Variants in CD80 observed in about 807,000 individuals in gnomAD.
CD80 encodes CD80 molecule.
A neutral mutation model predicts 27.1 loss-of-function variants in CD80; 13 were observed. The ratio of observed to expected loss-of-function variants is 0.48; its 90% CI spans 0.31 to 0.76. The LOEUF (loss-of-function observed/expected upper bound fraction) is 0.76. Among genes scored for constraint, CD80 ranks in the 30% least tolerant of loss-of-function variants. The pLI is 0.04. For synonymous variants in CD80, 125 were observed against 125.5 expected, an observed-to-expected ratio of 1.00 and a Z score of 0.03; for missense variants, 277 against 347.9, an observed-to-expected ratio of 0.80 and a Z score of 1.62.
chr3:119,535,607 C>T (rs2082133904), intron 4 of CD80, among the ~76,000 whole-genome samples: 1 of 152,104 alleles, frequency 6.6e-6, no homozygotes, highest in Non-Finnish European at 1.5e-5. Flanking sequence ...AATGATTTCA[C>T]CTCTTGGGGA....
chr3:119,540,803 C>T (rs749027800), intron 3 of CD80, among the ~76,000 whole-genome samples: 1 of 152,102 alleles, frequency 6.6e-6, no homozygotes, highest in African/African-American at 2.4e-5. Flanking sequence ...AATCCTAGCA[C>T]TTTGGGAGGT....
At chr3:119,530,454 C>T (rs2082103518) in intron 4 of CD80, among the ~76,000 whole-genome samples, 1 of 152,162 alleles carries the variant, frequency 6.6e-6, no homozygotes, top group Non-Finnish European at 1.5e-5. Flanking sequence ...AGGTTTTTCA[C>T]CCTCTAGCTA....
chr3:119,533,383 G>T (rs762205808), intron 4 of CD80, among the ~76,000 whole-genome samples: 1 of 148,790 alleles, frequency 6.7e-6, no homozygotes, highest in Non-Finnish European at 1.5e-5. Context: ...AATCATATGC[G>T]CAATCCGCTT....
chr3:119,556,280 A>G (rs114445383), intron 2 of CD80, among the ~76,000 whole-genome samples: 2 of 151,966 alleles, frequency 1.3e-5, no homozygotes, highest in Non-Finnish European at 2.9e-5. Flanking sequence ...TTCCTTGTAC[A>G]ATTTCTAAAG....
intron 4 of CD80, among the ~76,000 whole-genome samples, chr3:119,536,451 C>A (rs1236563952): frequency 1.3e-5 from 2 of 151,898 alleles, no homozygotes; most frequent in Non-Finnish European, 2.9e-5. Context: ...AGTAAGCCAC[C>A]CACCTTACCC....
chr3:119,531,422 C>T (rs116242422), intron 4 of CD80, among the ~76,000 whole-genome samples: 7,737 of 152,304 alleles, frequency 0.051, 254 homozygotes, highest in Non-Finnish European at 0.071. Context: ...GCACCCTGGC[C>T]ATAACCATAG....
chr3:119,551,298 G>T (rs1159665214), intron 2 of CD80, among the ~76,000 whole-genome samples: 1 of 152,180 alleles, frequency 6.6e-6, no homozygotes, highest in Non-Finnish European at 1.5e-5. Context: ...CTATTGCTAT[G>T]ATTTGAATGT....
At chr3:119,548,201 C>G (rs13076029) in intron 2 of CD80, among the ~76,000 whole-genome samples, 15,060 of 152,156 alleles carry the variant, frequency 0.099, 979 homozygotes, top group Non-Finnish European at 0.14. Context: ...AGGCTGGTCT[C>G]AAACTCCTGA....
chr3:119,555,391 A>G (rs1467296167), intron 2 of CD80, among the ~76,000 whole-genome samples: 3 of 152,244 alleles, frequency 2.0e-5, no homozygotes, highest in Non-Finnish European at 4.4e-5. Flanking sequence ...TCTCTAAAAA[A>G]TTCCCTGTGC....
At chr3:119,527,902 T>C in intron 5 of CD80, 61 bp from the exon 6 acceptor site, 8 of 1,425,652 alleles carry the variant, frequency 5.6e-6, no homozygotes, top group Non-Finnish European at 7.9e-6. Context: ...TGTGCCCATA[T>C]GTTAATATTT....
rs1320277833 is a variant in CD80, at chr3:119,544,738, A to G, written c.230T>C (p.Met77Thr). 10 of 1,614,116 alleles carry G rather than the reference A, an allele frequency of 6.2e-6. No homozygotes were observed. The Admixed American group carries it at 8.3e-5, about 13-fold the overall frequency. Reference sequence around the variant, plus strand: ...GGGCCATATATTCATGTCCCCAGACATCATAGTCAGCACCATTTTCTTCTC... The same window carrying G: ...GGGCCATATATTCATGTCCCCAGACGTCATAGTCAGCACCATTTTCTTCTC... The part of the protein sequence containing the change: ...QKEKKMVLTM[M>T]SGDMNIWPEY... The change falls in exon 3 of 7, where the codon ATG (methionine) becomes ACG (threonine). Residue 77 changes from methionine (M) to threonine (T), a missense_variant. Transcript: ENST00000264246.
intron 2 of CD80, among the ~76,000 whole-genome samples, chr3:119,554,836 G>A (rs1427510517): frequency 6.6e-6 from 1 of 152,136 alleles, no homozygotes; most frequent in Admixed American, 6.5e-5. Context: ...ACTTCCTTCT[G>A]ATCCAATTCT....
At chr3:119,550,101 T>C (rs74555346) in intron 2 of CD80, among the ~76,000 whole-genome samples, 1,564 of 152,008 alleles carry the variant, frequency 0.01, 24 homozygotes, top group African/African-American at 0.036. Flanking sequence ...TCTGTAAGAG[T>C]TTCCATTTTT....
rs770735310 is a variant in CD80 at position 119,529,903 on chromosome 3, T to C, written c.735A>G (p.Pro245=). ...CTGAGATTAAGGTAATGGCCCAGGATGGGAGCAGGTTATCAGGAAAATGCT... is the reference window on the plus strand; with the variant it reads ...CTGAGATTAAGGTAATGGCCCAGGACGGGAGCAGGTTATCAGGAAAATGCT... ...KQEHFPDNLL[P]SWAITLISVN... Residue 245 remains proline (P), a synonymous_variant, in exon 5 of 7, where the codon CCA becomes CCG. Transcript: ENST00000264246. 6.2e-7 allele frequency: 1 copy of C among 1,613,824 alleles called. No homozygotes were observed. The highest frequency in any genetic ancestry group is 8.5e-7 in the Non-Finnish European group (1 of 1,179,746).
In CD80 at chr3:119,557,730, G is replaced by C. The variant is rs112549487; in HGVS notation, c.-2C>G. The C allele has an allele frequency of 6.2e-7, 1 of 1,606,818 alleles. No individual in the cohort carries two copies. Among genetic ancestry groups the C allele is most frequent in the Non-Finnish European group, 8.5e-7 (1 of 1,175,354 alleles). On this transcript the variant is annotated 5_prime_UTR_variant, in exon 2 of 7. Coordinates refer to ENST00000264246, the MANE Select transcript of CD80 (RefSeq NM_005191.4). Reference sequence around the variant, plus strand: ...TCCCTGCCTCCGTGTGTGGCCCATGGCTTCAGATGCTTAGGGTCAAAAGTG... The same window carrying C: ...TCCCTGCCTCCGTGTGTGGCCCATGCCTTCAGATGCTTAGGGTCAAAAGTG...
intron 4 of CD80, among the ~76,000 whole-genome samples, chr3:119,536,925 G>A (rs903083451): frequency 6.6e-6 from 1 of 152,212 alleles, no homozygotes. Flanking sequence ...CTGTACAGGT[G>A]TGTAGCCTCA....
Position 119,544,780 on chromosome 3 carries a change from C to G in CD80, c.188G>C (p.Arg63Pro). The G allele has an allele frequency of 3.1e-6, 5 of 1,614,118 alleles. No homozygotes were observed. Among genetic ancestry groups the G allele is most frequent in the Non-Finnish European group, 3.4e-6 (4 of 1,180,008 alleles). The change falls in exon 3 of 7, where the codon CGC becomes CCC. Residue 63 changes from arginine (R) to proline (P), a missense_variant. Coordinates refer to ENST00000264246, the MANE Select transcript of CD80 (RefSeq NM_005191.4). Reference sequence around the variant, plus strand: ...TTTCTTCTCCTTTTGCCAGTAGATGCGAGTTTGTGCCAGCTCTTCAACAGA... The same window carrying G: ...TTTCTTCTCCTTTTGCCAGTAGATGGGAGTTTGTGCCAGCTCTTCAACAGA... Reference protein sequence around the residue: ...NVSVEELAQTRIYWQKEKKMV... With the variant: ...NVSVEELAQTPIYWQKEKKMV...
At chr3:119,546,890 C>T (rs758947645) in intron 2 of CD80, among the ~76,000 whole-genome samples, 3 of 151,862 alleles carry the variant, frequency 2.0e-5, no homozygotes, top group South Asian at 2.1e-4. Flanking sequence ...TGCATTTAAC[C>T]GTGGGAAAAA....
chr3:119,543,259 G>A (rs1249590777), intron 3 of CD80, among the ~76,000 whole-genome samples: 1 of 152,244 alleles, frequency 6.6e-6, no homozygotes, highest in East Asian at 1.9e-4. Context: ...AACCTCTTGG[G>A]TGGTTACAAA....
Sources: allele counts gnomAD v4.1 joint callset (sites outside exome capture counted in the v4.1 genomes callset), GRCh38; gene constraint gnomAD v4.1.1; transcripts MANE v1.5; gene names NCBI Gene and HGNC (gene_info 2026-07-23, HGNC 2026-07-21).